The following DPYD variants were observed in gnomAD, a reference collection of about 807,000 sequenced individuals.
DPYD encodes the protein dihydropyrimidine dehydrogenase.
DPYD carries 109 observed loss-of-function variants against 116.2 expected under a neutral mutation model. The observed-to-expected ratio is 0.94, with a 90% CI of 0.80 to 1.10. The LOEUF (loss-of-function observed/expected upper bound fraction) is 1.10, where lower values mean the gene tolerates loss of function less well. Ranked by LOEUF, DPYD falls within the 50% of genes least tolerant of loss-of-function variation. The pLI is 0.00. For missense variants in DPYD, 1,302 were observed against 1,254.5 expected (o/e 1.04, Z -0.57); for synonymous variants, 440 against 432.0 (o/e 1.02, Z -0.23).
chr1:97,561,711 G>GT (rs1475290447), intron 11 of DPYD, among the ~76,000 whole-genome samples: 1 of 152,122 alleles, frequency 6.6e-6, no homozygotes, highest in Non-Finnish European at 1.5e-5. Context: ...GCAATGATAT[G>GT]TTTTTCCACC....
At chr1:97,359,127 T>C (rs987467248) in intron 16 of DPYD, among the ~76,000 whole-genome samples, 14 of 151,798 alleles carry the variant, frequency 9.2e-5, no homozygotes, top group African/African-American at 2.4e-4. Flanking sequence ...AATGACCTGA[T>C]GGAGTTGAAA....
At chr1:97,233,342 C>T (rs1661699752) in intron 19 of DPYD, among the ~76,000 whole-genome samples, 1 of 152,098 alleles carries the variant, frequency 6.6e-6, no homozygotes, top group African/African-American at 2.4e-5. Flanking sequence ...TGCACTAGAC[C>T]TCCTCTACTA....
At chr1:97,227,331 C>CAAAAAAAAAAAAAAA (rs60992225) in intron 19 of DPYD, among the ~76,000 whole-genome samples, 102 of 26,334 alleles carry the variant, frequency 3.9e-3, no homozygotes, top group Non-Finnish European at 5.1e-3. Flanking sequence ...GACTCTATCT[C>CAAAAAAAAAAAAAAA]AAAAAAAAAA....
chr1:97,222,121 A>G (rs572742083), intron 19 of DPYD, among the ~76,000 whole-genome samples: 14 of 152,240 alleles, frequency 9.2e-5, no homozygotes, highest in African/African-American at 3.1e-4. Context: ...TTCAAAATGA[A>G]GAATAAAAAT....
At chr1:97,316,513 C>CAATAAAATAAAATAAAATAAAATAA (rs57832711) in intron 16 of DPYD, among the ~76,000 whole-genome samples, 3,162 of 124,280 alleles carry the variant, frequency 0.025, 81 homozygotes, top group South Asian at 0.055. Flanking sequence ...GACTCTGTCT[C>CAATAAAATAAAATAAAATAAAATAA]AATAAAATAA....
intron 16 of DPYD, among the ~76,000 whole-genome samples, chr1:97,351,235 A>G (rs1429530497): frequency 6.6e-6 from 1 of 152,184 alleles, no homozygotes; most frequent in Non-Finnish European, 1.5e-5. Flanking sequence ...AAGATCTAAC[A>G]TGAACATTCC....
intron 1 of DPYD, among the ~76,000 whole-genome samples, chr1:97,899,090 T>C (rs1383248943): frequency 2.7e-5 from 4 of 150,312 alleles, no homozygotes; most frequent in Non-Finnish European, 5.9e-5. Context: ...CAGACAAGAG[T>C]GTTTTGTTTT....
At chr1:97,903,685 G>T (rs1317825971) in intron 1 of DPYD, among the ~76,000 whole-genome samples, 3 of 151,742 alleles carry the variant, frequency 2.0e-5, no homozygotes, top group Non-Finnish European at 2.9e-5. Flanking sequence ...CAGGCCCATT[G>T]TTTGGTAATT....
At chr1:97,317,103 T>A (rs1667902629) in intron 16 of DPYD, among the ~76,000 whole-genome samples, 1 of 151,970 alleles carries the variant, frequency 6.6e-6, no homozygotes, top group African/African-American at 2.4e-5. Context: ...TTTTGTTGAA[T>A]CCTTTATACT....
At chr1:97,628,713 A>T (rs1348412610) in intron 8 of DPYD, among the ~76,000 whole-genome samples, 1 of 151,694 alleles carries the variant, frequency 6.6e-6, no homozygotes, top group Non-Finnish European at 1.5e-5. Flanking sequence ...CATACATGCA[A>T]AAAAAAAGTG....
intron 18 of DPYD, among the ~76,000 whole-genome samples, chr1:97,239,217 G>C (rs566293758): frequency 6.6e-6 from 1 of 152,228 alleles, no homozygotes; most frequent in East Asian, 1.9e-4. Flanking sequence ...TCATGTTTCA[G>C]AAAAACATTT....
rs139412562 is a variant in DPYD, at chr1:97,390,180, T to C, written c.1906-7719A>G. 7.5e-3 allele frequency among the ~76,000 whole-genome samples: 1,145 copies of C among 152,190 alleles called. 9 individuals are homozygous for C. The highest frequency in any genetic ancestry group is 1.0e-2 in the Non-Finnish European group (679 of 67,988). ...ATGCTATTTTGGTATTCTGTAACCA[T>C]ACTGTGAACTACATAGGAAATCCAG... On this transcript the variant is annotated intron_variant, in intron 14 of 22. Transcript: ENST00000370192.
chr1:97,852,023 CAA>C (rs555567071), intron 2 of DPYD, among the ~76,000 whole-genome samples: 7 of 74,274 alleles, frequency 9.4e-5, no homozygotes, highest in South Asian at 4.3e-4. Context: ...GTGCAATTTA[CAA>C]AAAAAAAAAA....
chr1:97,085,496 C>A (rs367572138), intron 21 of DPYD, among the ~76,000 whole-genome samples: 1 of 152,142 alleles, frequency 6.6e-6, no homozygotes, highest in African/African-American at 2.4e-5. Flanking sequence ...TTATTAAGTA[C>A]AATTTTTTAA....
At chr1:97,823,805 T>G (rs921910555) in intron 3 of DPYD, among the ~76,000 whole-genome samples, 1 of 149,666 alleles carries the variant, frequency 6.7e-6, no homozygotes, top group Non-Finnish European at 1.5e-5. Context: ...TTTATTTCCC[T>G]TAGCTCTTTA....
intron 20 of DPYD, among the ~76,000 whole-genome samples, chr1:97,190,202 C>A (rs1658258762): frequency 6.6e-6 from 1 of 152,072 alleles, no homozygotes; most frequent in African/African-American, 2.4e-5. Context: ...GCTTCTCTGG[C>A]ATTCCTCTCC....
At position 97,565,466 on chromosome 1, in the gene DPYD, A is replaced by C. The variant is rs564858309; in HGVS notation, c.1339+8294T>G. ...TTGACTCCACATATATTTTAGCCAT[A>C]TTTCCTGCCATCTTATCCCTACCTG... is the stretch of plus-strand genomic sequence containing the variant. On this transcript the variant is annotated intron_variant, in intron 11 of 22. Coordinates refer to ENST00000370192, the MANE Select transcript of DPYD (RefSeq NM_000110.4). Among the ~76,000 whole-genome samples, 11 of 152,114 alleles carry C rather than the reference A, an allele frequency of 7.2e-5. No individual in the cohort carries two copies. In the East Asian group the frequency reaches 2.1e-3, roughly 29 times the overall value.
chr1:97,482,503 C>T (rs1678379042), intron 13 of DPYD, among the ~76,000 whole-genome samples: 1 of 152,156 alleles, frequency 6.6e-6, no homozygotes, highest in South Asian at 2.1e-4. Context: ...TTAAATTCTA[C>T]CTTTTTTCTT....
At chr1:97,148,896 C>T (rs1054317226) in intron 20 of DPYD, among the ~76,000 whole-genome samples, 2 of 152,158 alleles carry the variant, frequency 1.3e-5, no homozygotes, top group African/African-American at 4.8e-5. Context: ...ACTTTCAACT[C>T]AGTTATAAGC....
Sources: gnomAD v4.1 joint callset for allele counts (sites outside exome capture counted in the v4.1 genomes callset) on GRCh38, gnomAD v4.1.1 for gene constraint, MANE v1.5 for transcripts, NCBI Gene and HGNC (gene_info 2026-07-23, HGNC 2026-07-21) for gene names.